The following LRRC4C variants were observed in gnomAD, a reference collection of about 807,000 sequenced individuals.
LRRC4C encodes the protein leucine-rich repeat-containing protein 4C.
In LRRC4C, 5 loss-of-function variants were observed where a neutral mutation model predicts 33.6. The observed-to-expected ratio is 0.15, with a 90% CI of 0.08 to 0.31. The LOEUF (loss-of-function observed/expected upper bound fraction) is 0.31. Ranked by LOEUF, LRRC4C falls within the 10% of genes least tolerant of loss-of-function variation. LRRC4C has a pLI of 1.00. For missense variants in LRRC4C, 560 were observed against 796.7 expected (o/e 0.70, Z 3.58); for synonymous variants, 329 against 302.0 (o/e 1.09, Z -0.93).
At chr11:41,107,456 C>G (rs1024921242) in intron 1 of LRRC4C, among the ~76,000 whole-genome samples, 19 of 152,040 alleles carry the variant, frequency 1.2e-4, no homozygotes, top group Middle Eastern at 3.4e-3. Context: ...TGAAATATCT[C>G]TCATTTATGG....
At chr11:41,197,200 C>T (rs779414395) in intron 1 of LRRC4C, among the ~76,000 whole-genome samples, 4 of 152,006 alleles carry the variant, frequency 2.6e-5, no homozygotes, top group Non-Finnish European at 2.9e-5. Flanking sequence ...ATCCACAGAT[C>T]TCTATACCCA....
At chr11:40,797,294 C>T (rs1481584558) in intron 2 of LRRC4C, among the ~76,000 whole-genome samples, 1 of 152,016 alleles carries the variant, frequency 6.6e-6, no homozygotes, top group Non-Finnish European at 1.5e-5. Context: ...AGGCAATGAG[C>T]TCAAATGAAT....
At chr11:40,516,339 G>A (rs1955559174) in intron 3 of LRRC4C, among the ~76,000 whole-genome samples, 1 of 151,976 alleles carries the variant, frequency 6.6e-6, no homozygotes, top group Admixed American at 6.6e-5. Flanking sequence ...GTTTAGAAAG[G>A]CACTTTATTC....
intron 4 of LRRC4C, among the ~76,000 whole-genome samples, chr11:40,308,886 G>A (rs1455762704): frequency 1.3e-5 from 2 of 152,218 alleles, no homozygotes; most frequent in South Asian, 2.1e-4. Context: ...CTGGTTACAT[G>A]AGCCAATAAA....
At chr11:40,212,110 T>G (rs2135833996) in intron 5 of LRRC4C, among the ~76,000 whole-genome samples, 1 of 152,310 alleles carries the variant, frequency 6.6e-6, no homozygotes, top group Non-Finnish European at 1.5e-5. Flanking sequence ...AAGAGTCATG[T>G]TTATTTGCCT....
At chr11:40,956,938 T>A (rs1392132761) in intron 1 of LRRC4C, among the ~76,000 whole-genome samples, 1 of 151,764 alleles carries the variant, frequency 6.6e-6, no homozygotes, top group Non-Finnish European at 1.5e-5. Flanking sequence ...GCTCAGTTTG[T>A]TTTTTGGTTC....
At chr11:40,313,043 T>C (rs1945390822) in intron 4 of LRRC4C, among the ~76,000 whole-genome samples, 1 of 152,144 alleles carries the variant, frequency 6.6e-6, no homozygotes. Context: ...TTTACTTTAC[T>C]GGTGAATGGC....
At chr11:40,822,568 G>T (rs1198680119) in intron 2 of LRRC4C, among the ~76,000 whole-genome samples, 1 of 151,528 alleles carries the variant, frequency 6.6e-6, no homozygotes, top group Admixed American at 6.6e-5. Context: ...ATATATTCCG[G>T]TTATTAATTC....
At position 40,897,094 on chromosome 11, in the gene LRRC4C, A is replaced by G. The variant is rs142858801; in HGVS notation, c.-407+36541T>C. Among the ~76,000 whole-genome samples, 485 of 152,346 alleles carry G rather than the reference A, an allele frequency of 3.2e-3. 3 individuals carry two copies. The highest frequency in any genetic ancestry group is 0.011 in the African/African-American group (450 of 41,584). ...AAAGAGAAATTTGCAATGACTATTC[A>G]GTGTTCAGATCACTAAATGCATTTT... On this transcript the variant is annotated intron_variant, in intron 2 of 6. Transcript: ENST00000528697.
At chr11:40,557,210 T>A (rs1444113538) in intron 3 of LRRC4C, among the ~76,000 whole-genome samples, 9 of 151,996 alleles carry the variant, frequency 5.9e-5, no homozygotes, top group Admixed American at 5.9e-4. Flanking sequence ...GAATACAAAT[T>A]ACACTCATGT....
At chr11:40,591,007 C>T (rs1201502697) in intron 3 of LRRC4C, among the ~76,000 whole-genome samples, 1 of 152,122 alleles carries the variant, frequency 6.6e-6, no homozygotes, top group Admixed American at 6.5e-5. Context: ...GGGCTCCACC[C>T]AGTTGGAGCT....
At chr11:41,325,642 C>T (rs973470819) in intron 1 of LRRC4C, among the ~76,000 whole-genome samples, 1 of 143,878 alleles carries the variant, frequency 7.0e-6, no homozygotes, top group African/African-American at 2.6e-5. Flanking sequence ...ACCTCCACTA[C>T]ATTTTCATGC....
chr11:40,259,723 G>C (rs1207924958), intron 4 of LRRC4C, among the ~76,000 whole-genome samples: 1 of 151,962 alleles, frequency 6.6e-6, no homozygotes, highest in Non-Finnish European at 1.5e-5. Context: ...GATAGTTGTA[G>C]ATATGCGGCG....
chr11:40,402,442 A>G (rs553724675), intron 3 of LRRC4C, among the ~76,000 whole-genome samples: 2 of 152,206 alleles, frequency 1.3e-5, no homozygotes, highest in East Asian at 3.9e-4. Flanking sequence ...AAGACTCATG[A>G]CTACAGAGTT....
chr11:40,861,688 G>C (rs772556583), intron 2 of LRRC4C, among the ~76,000 whole-genome samples: 16 of 152,144 alleles, frequency 1.1e-4, no homozygotes, highest in Non-Finnish European at 1.5e-4. Flanking sequence ...AATACCCAAG[G>C]CTGGGTAATT....
At chr11:40,652,798 G>T (rs576433955) in intron 2 of LRRC4C, among the ~76,000 whole-genome samples, 1 of 152,276 alleles carries the variant, frequency 6.6e-6, no homozygotes, top group African/African-American at 2.4e-5. Context: ...AAGATTTTCA[G>T]GAGGCCCCAA....
At chr11:40,651,361 G>A (rs2136149602) in intron 2 of LRRC4C, among the ~76,000 whole-genome samples, 1 of 152,156 alleles carries the variant, frequency 6.6e-6, no homozygotes, top group Non-Finnish European at 1.5e-5. Context: ...GGGTGGGGGA[G>A]AGGAGAGAGA....
intron 3 of LRRC4C, among the ~76,000 whole-genome samples, chr11:40,432,677 C>T (rs1476525480): frequency 1.3e-5 from 2 of 152,154 alleles, no homozygotes; most frequent in African/African-American, 4.8e-5. Flanking sequence ...CAGACTCTAA[C>T]AGTTTCCTTC....
chr11:40,394,187 A>G (rs1440052179), intron 3 of LRRC4C, among the ~76,000 whole-genome samples: 1 of 152,116 alleles, frequency 6.6e-6, no homozygotes, highest in African/African-American at 2.4e-5. Context: ...CCAGTTTTGA[A>G]AGTTTTGAGG....
Sources: allele counts gnomAD v4.1 joint callset (sites outside exome capture counted in the v4.1 genomes callset), GRCh38; gene constraint gnomAD v4.1.1; transcripts MANE v1.5; gene names NCBI Gene and HGNC (gene_info 2026-07-23, HGNC 2026-07-21).